Variants in MEIS2 observed in about 807,000 individuals in gnomAD.
MEIS2 encodes the protein homeobox protein Meis2.
Under a neutral mutation model 58.6 loss-of-function variants are expected in MEIS2, and 9 were observed. The observed-to-expected ratio is 0.15, with a 90% CI of 0.09 to 0.27. The LOEUF (loss-of-function observed/expected upper bound fraction) is 0.27. Among genes scored for constraint, MEIS2 ranks in the 10% least tolerant of loss-of-function variants. MEIS2 has a pLI of 1.00. For synonymous variants in MEIS2, 221 were observed against 228.4 expected (o/e 0.97, Z 0.29); for missense variants, 427 against 635.0 (o/e 0.67, Z 3.52).
In MEIS2 at chr15:36,990,412, A is replaced by G. The variant is rs141058049; in HGVS notation, c.901-40012T>C. Among the ~76,000 whole-genome samples, 7 of 152,288 alleles carry G rather than the reference A, an allele frequency of 4.6e-5. No homozygotes were observed. In the East Asian group the frequency reaches 1.3e-3, roughly 29 times the overall value. ...AATAGAGCTAGTGTGGAAATTATAA[A>G]TTTGTTACTATTAAAATAAATGATA... On this transcript the variant is annotated intron_variant, in intron 8 of 11. Transcript: ENST00000561208.
intron 7 of MEIS2, among the ~76,000 whole-genome samples, chr15:37,073,432 T>C (rs1890973669): frequency 2.0e-5 from 3 of 151,936 alleles, no homozygotes; most frequent in African/African-American, 7.3e-5. Context: ...TGGGAGAAGG[T>C]AAGCCGTTGA....
chr15:36,994,753 A>T (rs1259930159), intron 8 of MEIS2, among the ~76,000 whole-genome samples: 2 of 152,224 alleles, frequency 1.3e-5, no homozygotes, highest in South Asian at 2.1e-4. Context: ...AAGCACAAAC[A>T]TGCAAATACA....
chr15:36,907,884 C>T (rs568998850), intron 9 of MEIS2, among the ~76,000 whole-genome samples: 1 of 151,248 alleles, frequency 6.6e-6, no homozygotes, highest in South Asian at 2.1e-4. Context: ...AAACCAAATG[C>T]TATTTAACCA....
intron 8 of MEIS2, among the ~76,000 whole-genome samples, chr15:37,007,934 A>C (rs1020004767): frequency 6.6e-6 from 1 of 152,224 alleles, no homozygotes; most frequent in African/African-American, 2.4e-5. Context: ...AGCAAAACTT[A>C]ATGATTTTAA....
chr15:36,895,942 T>G (rs1180250628), intron 10 of MEIS2, among the ~76,000 whole-genome samples: 1 of 152,162 alleles, frequency 6.6e-6, no homozygotes, highest in East Asian at 1.9e-4. Context: ...AAAACTGTTT[T>G]TCCCTATAAG....
chr15:36,988,852 T>A, intron 8 of MEIS2, among the ~76,000 whole-genome samples: 1 of 152,206 alleles, frequency 6.6e-6, no homozygotes, highest in East Asian at 1.9e-4. Flanking sequence ...TCTTTTATAA[T>A]ATAACCAAAA....
Position 37,099,437 on chromosome 15 carries a change from T to C in MEIS2, c.12+18A>G, listed in dbSNP as rs781296463. 7 of 1,614,032 alleles carry C rather than the reference T, an allele frequency of 4.3e-6. 1 individual carries two copies. The highest frequency in any genetic ancestry group is 3.3e-4 in the Middle Eastern group (2 of 6,084). ...GAGAGGATTTATATCTAGGTAAGTG[T>C]TGGAGATTTAAACCTACCCTTTGCG... On this transcript the variant is annotated intron_variant, in intron 1 of 11. Coordinates refer to ENST00000561208, the MANE Select transcript of MEIS2 (RefSeq NM_170675.5).
intron 8 of MEIS2, among the ~76,000 whole-genome samples, chr15:36,969,053 T>G (rs1425400276): frequency 6.6e-6 from 1 of 152,254 alleles, no homozygotes; most frequent in Admixed American, 6.5e-5. Context: ...GAATATTCTA[T>G]GACATTGCAG....
At chr15:36,958,115 C>T (rs2059052008) in intron 8 of MEIS2, among the ~76,000 whole-genome samples, 1 of 152,080 alleles carries the variant, frequency 6.6e-6, no homozygotes, top group African/African-American at 2.4e-5. Flanking sequence ...ATAATAATAG[C>T]CTCCTATAGA....
intron 7 of MEIS2, among the ~76,000 whole-genome samples, chr15:37,065,432 C>T (rs145138014): frequency 0.014 from 2,152 of 152,238 alleles, 48 homozygotes; most frequent in African/African-American, 0.049. Context: ...ATAACTCTCT[C>T]AGAATACTGA....
chr15:37,048,961 T>C lies in MEIS2; in HGVS notation c.755-12002A>G, dbSNP rs547170122. On this transcript the variant is annotated intron_variant, in intron 7 of 11. Coordinates refer to ENST00000561208, the MANE Select transcript of MEIS2 (RefSeq NM_170675.5). ...AACATTTTTTCAAAGAACATTTTCA[T>C]ACAATAGAGTTTCCTAATCAAACTT... Among the ~76,000 whole-genome samples the C allele has an allele frequency of 3.9e-5, 6 of 152,316 alleles. No individual in the cohort carries two copies. The South Asian group carries it at 1.2e-3, about 32-fold the overall frequency.
At chr15:37,061,370 A>T (rs923066876) in intron 7 of MEIS2, among the ~76,000 whole-genome samples, 2 of 152,192 alleles carry the variant, frequency 1.3e-5, no homozygotes, top group Admixed American at 1.3e-4. Context: ...AAGGGCAGAG[A>T]TAGCTAATTA....
At chr15:36,992,294 T>C (rs905318426) in intron 8 of MEIS2, among the ~76,000 whole-genome samples, 2 of 152,090 alleles carry the variant, frequency 1.3e-5, no homozygotes, top group Non-Finnish European at 2.9e-5. Flanking sequence ...TTCATAATGT[T>C]GAAATTAATA....
At chr15:37,015,523 G>C (rs2061321463) in intron 8 of MEIS2, among the ~76,000 whole-genome samples, 2 of 151,778 alleles carry the variant, frequency 1.3e-5, no homozygotes, top group African/African-American at 2.4e-5. Context: ...TATCATGCCA[G>C]GATGTTATCG....
intron 9 of MEIS2, among the ~76,000 whole-genome samples, chr15:36,949,718 T>C (rs2058689551): frequency 6.6e-6 from 1 of 151,992 alleles, no homozygotes; most frequent in Non-Finnish European, 1.5e-5. Flanking sequence ...GATCATTTTA[T>C]TTAATCCTCT....
intron 8 of MEIS2, among the ~76,000 whole-genome samples, chr15:36,965,939 A>G (rs2059339906): frequency 6.6e-6 from 1 of 152,260 alleles, no homozygotes; most frequent in Admixed American, 6.5e-5. Context: ...GGAAGAAGAA[A>G]CTAAAAAAGA....
rs754026070 is a variant in MEIS2, at chr15:37,036,906, G to C, written c.808C>G (p.Pro270Ala). Residue 270 changes from proline to alanine, a missense_variant, in exon 8 of 12, where the codon CCG becomes GCG. Physicochemically the swap from Pro to Ala is conservative, Grantham distance 27. Transcript: ENST00000561208. ...TTCTGGCGTTTTTTGTCCTTATCCG[G>C]ATCATCATCGTCACCTGTACCAGGT... is the stretch of plus-strand genomic sequence containing the variant. ...ASPGTGDDDDPDKDKKRQKKR... is the reference protein window; with the variant it reads ...ASPGTGDDDDADKDKKRQKKR... 9.9e-6 allele frequency: 16 copies of C among 1,613,638 alleles called. No homozygotes were observed. The South Asian group carries it at 1.5e-4, about 16-fold the overall frequency.
At chr15:37,049,274 C>T (rs1436155016) in intron 7 of MEIS2, among the ~76,000 whole-genome samples, 1 of 151,882 alleles carries the variant, frequency 6.6e-6, no homozygotes, top group Non-Finnish European at 1.5e-5. Context: ...ACACTGAGGC[C>T]CTATAAAGTA....
intron 8 of MEIS2, 116 bp downstream of exon 8, chr15:37,036,698 G>T (rs2062169333): frequency 1.7e-6 from 2 of 1,199,222 alleles, no homozygotes; most frequent in South Asian, 1.7e-5. Flanking sequence ...TTAGTCATCA[G>T]ATTTCAAGAA....
Sources: allele counts gnomAD v4.1 joint callset (sites outside exome capture counted in the v4.1 genomes callset), GRCh38; gene constraint gnomAD v4.1.1; transcripts MANE v1.5; gene names NCBI Gene and HGNC (gene_info 2026-07-23, HGNC 2026-07-21).